RXRA: variants seen among roughly 807,000 people sequenced by gnomAD.
RXRA encodes the protein retinoid X receptor alpha.
In RXRA, 5 loss-of-function variants were observed where a neutral mutation model predicts 44.5. That is an observed-to-expected ratio of 0.11 (90% confidence interval 0.06 to 0.24). RXRA has a LOEUF of 0.24. RXRA is among the 10% of genes least tolerant of loss of function. The probability of loss-of-function intolerance (pLI) is 1.00; values close to 1 mark genes in which losing one functional copy is unlikely to be tolerated. For synonymous variants in RXRA, 291 were observed against 271.4 expected (o/e 1.07, Z -0.71); for missense variants, 412 against 646.5 (o/e 0.64, Z 3.93).
chr9:134,409,211 G>A, intron 4 of RXRA, 92 bp downstream of exon 4: 2 of 1,283,688 alleles, frequency 1.6e-6, no homozygotes, highest in Non-Finnish European at 2.1e-6. Context: ...GGACAACAGG[G>A]AGTGAGTGGC....
At chr9:134,379,659 G>C in intron 1 of RXRA, 1 of 985,314 alleles carries the variant, frequency 1.0e-6, no homozygotes, top group South Asian at 4.7e-5. Flanking sequence ...CCCACCCTGC[G>C]GTCCTGGGAG....
chr9:134,367,840 C>T (rs1285490683), intron 1 of RXRA, among the ~76,000 whole-genome samples: 1 of 152,212 alleles, frequency 6.6e-6, no homozygotes, highest in South Asian at 2.1e-4. Flanking sequence ...TCTCTGGCAG[C>T]CGAAACTGGT....
At position 134,343,590 on chromosome 9, in the gene RXRA, G is replaced by A. The variant is rs746813214; in HGVS notation, c.28+16931G>A. 2.6e-5 allele frequency among the ~76,000 whole-genome samples: 4 copies of A among 152,082 alleles called. No individual in the cohort carries two copies. Among genetic ancestry groups the A allele is most frequent in the Non-Finnish European group, 5.9e-5 (4 of 67,996 alleles). ...TAGAAATTGCTCGGGGCCAGGAAGC[G>A]AGACCAGTCACTGGGTGCAACCTTG... On this transcript the variant is annotated intron_variant, in intron 1 of 9. Coordinates refer to ENST00000481739, the MANE Select transcript of RXRA (RefSeq NM_002957.6). This position sits in a 1 kb window ranked among gnomAD's most constrained non-coding sequence, Gnocchi z 4.1.
chr9:134,398,228 C>T (rs758346049), intron 1 of RXRA, among the ~76,000 whole-genome samples: 2 of 152,188 alleles, frequency 1.3e-5, no homozygotes, highest in Admixed American at 6.5e-5. Context: ...GATCCACCCA[C>T]CTCAGCCTCC....
intron 1 of RXRA, among the ~76,000 whole-genome samples, chr9:134,389,412 T>A (rs1830768051): frequency 6.6e-6 from 1 of 151,908 alleles, no homozygotes. Context: ...GGGCCAGGGC[T>A]TGGGCGCCTC....
At position 134,429,835 on chromosome 9, in the gene RXRA, A is replaced by G. The variant is rs34778466; in HGVS notation, c.1043+595A>G. Among the ~76,000 whole-genome samples the G allele has an allele frequency of 2.9e-3, 431 of 150,746 alleles. 1 individual carries two copies. Among genetic ancestry groups the G allele is most frequent in the African/African-American group, 9.9e-3 (405 of 41,026 alleles). On this transcript the variant is annotated intron_variant, in intron 7 of 9. Transcript: ENST00000481739. ...TGTTGCCCTCCTGGAGTGCTGGCCA[A>G]CTCCGCTCTGCCAGGCGAGGCGGAC...
chr9:134,435,850 C>G (rs1021599539), intron 9 of RXRA, among the ~76,000 whole-genome samples: 1 of 152,186 alleles, frequency 6.6e-6, no homozygotes, highest in African/African-American at 2.4e-5. Context: ...CACACCCGCT[C>G]CCGGCTGTCA....
chr9:134,382,880 C>G (rs77485472), intron 1 of RXRA, among the ~76,000 whole-genome samples: 2,674 of 152,304 alleles, frequency 0.018, 71 homozygotes, highest in African/African-American at 0.06. Flanking sequence ...TGCCCCGGTG[C>G]TGGGCGCAGC....
intron 1 of RXRA, among the ~76,000 whole-genome samples, chr9:134,381,521 C>G (rs113160179): frequency 6.6e-6 from 1 of 151,762 alleles, no homozygotes; most frequent in Admixed American, 6.6e-5. Flanking sequence ...GGGCCAGGCC[C>G]AGGGCTGAGA....
chr9:134,382,023 A>AC (rs1830654288), intron 1 of RXRA, among the ~76,000 whole-genome samples: 1 of 151,784 alleles, frequency 6.6e-6, no homozygotes, highest in Non-Finnish European at 1.5e-5. Context: ...CTGTCCCTGG[A>AC]CCCAGGAGTT....
chr9:134,352,354 C>T (rs782165611), intron 1 of RXRA, among the ~76,000 whole-genome samples: 2 of 152,154 alleles, frequency 1.3e-5, no homozygotes, highest in Non-Finnish European at 2.9e-5. Context: ...GGGGCTGCCT[C>T]GGGGACCCTG....
intron 6 of RXRA, chr9:134,424,564 A>C: frequency 1.4e-5 from 14 of 985,054 alleles, no homozygotes; most frequent in Non-Finnish European, 1.7e-5. Flanking sequence ...TGAGTCACTT[A>C]CTCTCTGTGC....
chr9:134,356,039 C>T (rs536273204), intron 1 of RXRA, among the ~76,000 whole-genome samples: 10 of 152,306 alleles, frequency 6.6e-5, no homozygotes, highest in Middle Eastern at 3.4e-3. Flanking sequence ...GCTTCCACGA[C>T]GCCCTCACTG....
At chr9:134,427,795 T>C (rs1300719955) in intron 6 of RXRA, among the ~76,000 whole-genome samples, 1 of 152,256 alleles carries the variant, frequency 6.6e-6, no homozygotes, top group African/African-American at 2.4e-5. Flanking sequence ...TCCCCCTCTG[T>C]AAAACAAAGT....
chr9:134,418,125 T>C (rs545069491), intron 5 of RXRA, among the ~76,000 whole-genome samples: 2 of 152,236 alleles, frequency 1.3e-5, no homozygotes, highest in South Asian at 4.1e-4. Flanking sequence ...TACCCTACCC[T>C]AAGGCCTAGG....
At chr9:134,328,153 CAT>C (rs1178903278) in intron 1 of RXRA, among the ~76,000 whole-genome samples, 2 of 152,164 alleles carry the variant, frequency 1.3e-5, no homozygotes, top group African/African-American at 2.4e-5. Flanking sequence ...TGCACTCACA[CAT>C]GTGCACACAC....
chr9:134,346,074 T>C (rs952149218), intron 1 of RXRA, among the ~76,000 whole-genome samples: 2 of 152,130 alleles, frequency 1.3e-5, no homozygotes, highest in African/African-American at 4.8e-5. Flanking sequence ...AGGCGGGGTA[T>C]GGCTGACAGC....
At chr9:134,384,219 C>T (rs530939307) in intron 1 of RXRA, among the ~76,000 whole-genome samples, 10 of 152,196 alleles carry the variant, frequency 6.6e-5, no homozygotes, top group South Asian at 4.2e-4. Context: ...TCCATACTGT[C>T]ACCCCGGCGG....
At chr9:134,380,188 C>A (rs118122844) in intron 1 of RXRA, 1 of 985,240 alleles carries the variant, frequency 1.0e-6, no homozygotes, top group African/African-American at 1.7e-5. Flanking sequence ...GGTGGCCCCC[C>A]GCGGTGTAGG....
Sources: gnomAD v4.1 joint callset for allele counts (sites outside exome capture counted in the v4.1 genomes callset) on GRCh38, gnomAD v4.1.1 for gene constraint, Gnocchi (gnomAD v3.1) non-coding constraint, MANE v1.5 for transcripts, NCBI Gene and HGNC (gene_info 2026-07-23, HGNC 2026-07-21) for gene names.